PDK2: variants seen among roughly 807,000 people sequenced by gnomAD.
PDK2 encodes pyruvate dehydrogenase kinase, isozyme 2.
In PDK2, 34 loss-of-function variants were observed where a neutral mutation model predicts 50.4. The ratio of observed to expected loss-of-function variants is 0.68; its 90% CI spans 0.51 to 0.90. The LOEUF (loss-of-function observed/expected upper bound fraction) is 0.90, where lower values mean the gene tolerates loss of function less well. Among genes scored for constraint, PDK2 ranks in the 40% least tolerant of loss-of-function variants. The probability of loss-of-function intolerance (pLI) is 0.00; values close to 1 mark genes in which losing one functional copy is unlikely to be tolerated. For missense variants in PDK2, 377 were observed against 544.5 expected (o/e 0.69, Z 3.06); for synonymous variants, 232 against 216.0 (o/e 1.07, Z -0.65).
At position 50,101,698 on chromosome 17, in the gene PDK2, CCTCTCCT is replaced by C. The variant is rs1303442484; in HGVS notation, c.261-3671_261-3665del. 6.6e-6 allele frequency among the ~76,000 whole-genome samples: 1 copy of C among 152,152 alleles called. No homozygotes were observed. Among genetic ancestry groups the C allele is most frequent in the African/African-American group, 2.4e-5 (1 of 41,432 alleles). ...CAGGGCCCTCCTCCCACTCACTCAC[CCTCTCCT>C]CCCGCCCCCACCGCCCATTATCAGC... On this transcript the variant is annotated intron_variant, in intron 2 of 10. Coordinates refer to ENST00000503176, the MANE Select transcript of PDK2 (RefSeq NM_002611.5). The surrounding 1 kb of genome is among the most constrained non-coding windows in gnomAD (Gnocchi z 4.2).
intron 1 of PDK2, chr17:50,096,096 G>C: frequency 2.0e-6 from 2 of 986,214 alleles, no homozygotes; most frequent in Non-Finnish European, 2.4e-6. Context: ...ATGCCATTGG[G>C]AGACAGTGCC....
chr17:50,107,900 G>C lies in PDK2; in HGVS notation c.686-256G>C, dbSNP rs8078768. 973 of 534,140 alleles carry C rather than the reference G, an allele frequency of 1.8e-3. 8 individuals carry two copies. Among genetic ancestry groups the C allele is most frequent in the African/African-American group, 0.017 (894 of 52,608 alleles). 33.1% of individuals were successfully genotyped at this position (534,140 alleles called of 1,614,324 possible). A position where few individuals can be genotyped will look rare whatever the true frequency, so the allele number is the denominator to read the frequency against. The stretch of plus-strand genomic sequence containing the variant: ...CGCCAGCCCCTTGCTGGACAGGTCA[G>C]GGCTGGCTCCCCACCCCTGATTCAG... On this transcript the variant is annotated intron_variant, in intron 6 of 10. Coordinates refer to ENST00000503176, the MANE Select transcript of PDK2 (RefSeq NM_002611.5).
At chr17:50,097,859 G>T in intron 2 of PDK2, 1 of 328,904 alleles carries the variant, frequency 3.0e-6, no homozygotes, top group Non-Finnish European at 5.7e-6. Context: ...CCCCAATTCA[G>T]GCTGATGTCA....
At chr17:50,095,680 C>A in intron 1 of PDK2, 127 bp downstream of exon 1, 1 of 1,466,108 alleles carries the variant, frequency 6.8e-7, no homozygotes, top group South Asian at 1.4e-5. Flanking sequence ...TGGAAAGGTA[C>A]AGGCAGGAAA....
At chr17:50,106,197 C>A in intron 4 of PDK2, 128 bp downstream of exon 4, 1 of 1,488,794 alleles carries the variant, frequency 6.7e-7, no homozygotes. Context: ...AATAGTTACT[C>A]CAGTAACTAT....
intron 6 of PDK2, among the ~76,000 whole-genome samples, chr17:50,107,677 G>A (rs545987890): frequency 2.6e-5 from 4 of 152,334 alleles, no homozygotes; most frequent in Non-Finnish European, 5.9e-5. Flanking sequence ...GTGCTAGGGA[G>A]ATTGCGGAAT....
chr17:50,106,168 C>A (rs750331371), intron 4 of PDK2, 99 bp downstream of exon 4: 12 of 1,535,752 alleles, frequency 7.8e-6, no homozygotes, highest in Non-Finnish European at 7.9e-6. Flanking sequence ...TCTTCAGAAC[C>A]CCACAAAGGG....
intron 3 of PDK2, 144 bp from the exon 4 acceptor site, chr17:50,105,741 A>T: frequency 8.6e-7 from 1 of 1,159,254 alleles, no homozygotes; most frequent in Non-Finnish European, 1.2e-6. Context: ...AAAAGATCAG[A>T]GTGGGCTTTG....
At position 50,109,827 on chromosome 17, in the gene PDK2, C is replaced by A; in HGVS notation, c.1084-130C>A. 2.9e-6 allele frequency: 3 copies of A among 1,037,704 alleles called. No homozygotes were observed. The highest frequency in any genetic ancestry group is 4.1e-6 in the Non-Finnish European group (3 of 738,262). The allele number at this position is 1,037,704 out of a possible 1,614,324, so 64.3% of individuals were successfully genotyped here. Reference sequence around the variant, plus strand: ...GGGCAGGAGCGGGACACAGGAGGGACCACCCTTTTGTGGTCTTTCCAGGCC... The same window carrying A: ...GGGCAGGAGCGGGACACAGGAGGGAACACCCTTTTGTGGTCTTTCCAGGCC... On this transcript the variant is annotated intron_variant, in intron 10 of 10. Coordinates refer to ENST00000503176, the MANE Select transcript of PDK2 (RefSeq NM_002611.5). This position sits in a 1 kb window ranked among gnomAD's most constrained non-coding sequence, Gnocchi z 5.0.
At chr17:50,106,601 C>CCCA (rs1910529134) in intron 4 of PDK2, 193 bp from the exon 5 acceptor site, 1 of 602,440 alleles carries the variant, frequency 1.7e-6, no homozygotes, top group African/African-American at 1.9e-5. Context: ...GGTTTAAAAA[C>CCCA]GGCCTAAGCC....
intron 1 of PDK2, chr17:50,095,784 C>A: frequency 7.3e-7 from 1 of 1,367,446 alleles, no homozygotes; most frequent in Non-Finnish European, 9.4e-7. Flanking sequence ...GAGGTTTCTT[C>A]GTGGGCCTCA....
In PDK2 at chr17:50,109,989, T is replaced by A. The variant is rs1426470421; in HGVS notation, c.1116T>A (p.Pro372=). ...ALSTDSVERL[P]VYNKSAWRHY... ...CCACGGACTCGGTGGAGCGCCTGCCTGTCTACAACAAGTCAGCCTGGCGCC... is the reference window on the plus strand; with the variant it reads ...CCACGGACTCGGTGGAGCGCCTGCCAGTCTACAACAAGTCAGCCTGGCGCC... The change falls in exon 11 of 11, where the codon CCT becomes CCA. Residue 372 remains proline, a synonymous_variant. Coordinates refer to ENST00000503176, the MANE Select transcript of PDK2 (RefSeq NM_002611.5). The surrounding 1 kb of genome is among the most constrained non-coding windows in gnomAD (Gnocchi z 5.0). 6.3e-7 allele frequency: 1 copy of A among 1,592,098 alleles called. No individual in the cohort carries two copies.
rs2144377420 is a variant in PDK2 at position 50,109,505 on chromosome 17, C to T, written c.1083+105C>T. 1 of 633,024 alleles carries T rather than the reference C, an allele frequency of 1.6e-6. No homozygotes were observed. Among genetic ancestry groups the T allele is most frequent in the Non-Finnish European group, 2.7e-6 (1 of 371,366 alleles). The allele number at this position is 633,024 out of a possible 1,614,324, so 39.2% of individuals were successfully genotyped here. On this transcript the variant is annotated intron_variant, in intron 10 of 10. Coordinates refer to ENST00000503176, the MANE Select transcript of PDK2 (RefSeq NM_002611.5). The surrounding 1 kb of genome is among the most constrained non-coding windows in gnomAD (Gnocchi z 5.0). Reference sequence around the variant, plus strand: ...TTCCTTTCCATCCCCCCAGTCCTTCCCTGGCCCCAGACTCTGAGAATCCAA... The same window carrying T: ...TTCCTTTCCATCCCCCCAGTCCTTCTCTGGCCCCAGACTCTGAGAATCCAA...
chr17:50,108,787 T>C lies in PDK2; in HGVS notation c.969+68T>C, dbSNP rs1388691228. ...GCTTCTCTCCTCACTCACTTCCTTATCTCCCTGCTCACTCAGCTTCTGTGT... is the reference window on the plus strand; with the variant it reads ...GCTTCTCTCCTCACTCACTTCCTTACCTCCCTGCTCACTCAGCTTCTGTGT... On this transcript the variant is annotated intron_variant, in intron 9 of 10. Coordinates refer to ENST00000503176, the MANE Select transcript of PDK2 (RefSeq NM_002611.5). The C allele has an allele frequency of 5.3e-6, 5 of 936,426 alleles. No individual in the cohort carries two copies. The East Asian group carries it at 1.3e-4, about 24-fold the overall frequency. The allele number at this position is 936,426 out of a possible 1,614,324, so 58.0% of individuals were successfully genotyped here.
intron 2 of PDK2, among the ~76,000 whole-genome samples, chr17:50,099,987 G>A (rs1470762210): frequency 1.3e-5 from 2 of 152,240 alleles, no homozygotes; most frequent in Admixed American, 1.3e-4. Flanking sequence ...GTAAGAGAGT[G>A]GAGACCTCTT....
chr17:50,106,521 G>C, intron 4 of PDK2: 1 of 530,650 alleles, frequency 1.9e-6, no homozygotes, highest in African/African-American at 1.9e-5. Context: ...TCAAAGAAAA[G>C]AATAAATGCA....
At position 50,110,314 on chromosome 17, in the gene PDK2, G is replaced by T. The variant is rs1910764937; in HGVS notation, c.*217G>T. ...CCTCGGTGGCCTCCCTATCTCTGTG[G>T]GCGATGCCTGAGGGTTAGGGATGTC... On this transcript the variant is annotated 3_prime_UTR_variant, in exon 11 of 11. Transcript: ENST00000503176. The T allele has an allele frequency of 2.2e-6, 1 of 448,208 alleles. No homozygotes were observed. Among genetic ancestry groups the T allele is most frequent in the Middle Eastern group, 5.9e-4 (1 of 1,696 alleles). The allele number at this position is 448,208 out of a possible 1,614,324, so 27.8% of individuals were successfully genotyped here.
At chr17:50,107,002 C>G (rs1056652819) in intron 5 of PDK2, 74 bp from the exon 6 acceptor site, 5 of 1,468,040 alleles carry the variant, frequency 3.4e-6, no homozygotes, top group Non-Finnish European at 3.8e-6. Context: ...TGCTGGTGGT[C>G]CCCAGTATCA....
rs1910815850 is a variant in PDK2 at position 50,111,142 on chromosome 17, T to C, written c.*1045T>C. On this transcript the variant is annotated 3_prime_UTR_variant, in exon 11 of 11. Coordinates refer to ENST00000503176, the MANE Select transcript of PDK2 (RefSeq NM_002611.5). ...ACTGCGGTGCCCTGTGACCACCACA[T>C]GACGCACCGGGGACGTCCGGCCCAG... is the stretch of plus-strand genomic sequence containing the variant. 2 of 152,306 alleles carry C rather than the reference T, an allele frequency of 1.3e-5. No individual in the cohort carries two copies. Among genetic ancestry groups the C allele is most frequent in the Admixed American group, 1.3e-4 (2 of 15,282 alleles). The allele number at this position is 152,306 out of a possible 1,614,324, so 9.4% of individuals were successfully genotyped here. A position where few individuals can be genotyped will look rare whatever the true frequency, so the allele number is the denominator to read the frequency against.
Sources: gnomAD v4.1 joint callset for allele counts (sites outside exome capture counted in the v4.1 genomes callset) on GRCh38, gnomAD v4.1.1 for gene constraint, Gnocchi (gnomAD v3.1) non-coding constraint, MANE v1.5 for transcripts, NCBI Gene and HGNC (gene_info 2026-07-23, HGNC 2026-07-21) for gene names.